KIF3B: variants seen among roughly 807,000 people sequenced by gnomAD.
KIF3B encodes kinesin-like protein KIF3B.
KIF3B carries 38 observed loss-of-function variants against 74.3 expected under a neutral mutation model. The observed-to-expected ratio is 0.51, with a 90% confidence interval of 0.39 to 0.67. The LOEUF is 0.67. Among genes scored for constraint, KIF3B ranks in the 30% least tolerant of loss-of-function variants. The probability of loss-of-function intolerance (pLI) is 0.00; values close to 1 mark genes in which losing one functional copy is unlikely to be tolerated. For missense variants in KIF3B, 649 were observed against 932.0 expected (o/e 0.70, Z 3.95); for synonymous variants, 326 against 342.5 (o/e 0.95, Z 0.53).
chr20:32,313,375 T>C (rs1292016121), intron 2 of KIF3B, among the ~76,000 whole-genome samples: 1 of 152,208 alleles, frequency 6.6e-6, no homozygotes, highest in Non-Finnish European at 1.5e-5. Flanking sequence ...AATGTCTCCA[T>C]GTTTATAAAT....
intron 2 of KIF3B, among the ~76,000 whole-genome samples, chr20:32,313,653 T>C (rs2047812718): frequency 6.6e-6 from 1 of 152,196 alleles, no homozygotes; most frequent in South Asian, 2.1e-4. Context: ...GTCAAAGCAC[T>C]TCATGCCTTC....
chr20:32,308,650 A>G (rs1057229521), intron 1 of KIF3B, among the ~76,000 whole-genome samples: 1 of 151,814 alleles, frequency 6.6e-6, no homozygotes, highest in Admixed American at 6.6e-5. Flanking sequence ...GCCACAAGGG[A>G]TCCATCCACC....
At chr20:32,322,696 A>T (rs1322535485) in intron 5 of KIF3B, among the ~76,000 whole-genome samples, 2 of 70,602 alleles carry the variant, frequency 2.8e-5, no homozygotes, top group African/African-American at 1.6e-4. Context: ...ATATTTATAT[A>T]TATTTATATA....
In KIF3B at chr20:32,277,708, CG is replaced by C; in HGVS notation, c.-122del. On this transcript the variant is annotated 5_prime_UTR_variant, in exon 1 of 9. The change abolishes the stop of an existing upstream ORF in the 5' untranslated region. Transcript: ENST00000375712. Reference sequence around the variant, plus strand: ...GGCTGAGCCAGGGGTTCGCCGCCCCCGCCGCCGCCGCCGCCGCCGCCGCCGC... The same window carrying C: ...GGCTGAGCCAGGGGTTCGCCGCCCCCCCGCCGCCGCCGCCGCCGCCGCCGC... 2.0e-5 allele frequency: 4 copies of C among 202,532 alleles called. No individual in the cohort carries two copies. Among genetic ancestry groups the C allele is most frequent in the Non-Finnish European group, 2.9e-5 (3 of 103,310 alleles). 12.5% of individuals were successfully genotyped at this position (202,532 alleles called of 1,614,324 possible). A position where few individuals can be genotyped will look rare whatever the true frequency, so the allele number is the denominator to read the frequency against.
intron 2 of KIF3B, among the ~76,000 whole-genome samples, chr20:32,314,044 T>G (rs553675844): frequency 7.2e-5 from 11 of 152,234 alleles, no homozygotes; most frequent in Admixed American, 6.5e-4. Flanking sequence ...ACTTGCATAC[T>G]GTCTTTTAGG....
intron 6 of KIF3B, 46 bp downstream of exon 6, chr20:32,326,930 A>T (rs1164023219): frequency 1.1e-6 from 1 of 942,312 alleles, no homozygotes; most frequent in South Asian, 1.5e-5. Context: ...ATGAGGGAGG[A>T]AAAGAATGTT....
chr20:32,317,790 A>T (rs2047835808), intron 5 of KIF3B, among the ~76,000 whole-genome samples: 1 of 151,948 alleles, frequency 6.6e-6, no homozygotes, highest in East Asian at 1.9e-4. Context: ...GGTGTGTGCC[A>T]CTATGCCCAG....
chr20:32,297,091 C>T (rs1031600386), intron 1 of KIF3B, among the ~76,000 whole-genome samples: 6 of 151,932 alleles, frequency 3.9e-5, no homozygotes, highest in African/African-American at 1.2e-4. Flanking sequence ...AGCAGGGAGT[C>T]GCTTTTACTT....
chr20:32,310,209 C>A lies in KIF3B; in HGVS notation c.432C>A (p.Tyr144Ter). 1 of 1,613,846 alleles carries A rather than the reference C, an allele frequency of 6.2e-7. No homozygotes were observed. Among genetic ancestry groups the A allele is most frequent in the Non-Finnish European group, 8.5e-7 (1 of 1,179,774 alleles). The change falls in exon 2 of 9, where the codon TAC becomes TAA. Residue 144 changes from tyrosine (Y) to a stop codon, truncating the protein, a stop_gained. Coordinates refer to ENST00000375712, the MANE Select transcript of KIF3B (RefSeq NM_004798.4). LOFTEE classifies it high-confidence loss of function. The surrounding 1 kb of genome is among the most constrained non-coding windows in gnomAD (Gnocchi z 6.5). ...AACAATACCTGGTCAGGGCTTCTTACTTAGAGATCTACCAGGAGGAGATCC... is the reference window on the plus strand; with the variant it reads ...AACAATACCTGGTCAGGGCTTCTTAATTAGAGATCTACCAGGAGGAGATCC... ...QNQQYLVRAS[Y>*]LEIYQEEIRD...
chr20:32,326,805 GA>G lies in KIF3B; in HGVS notation c.1789del (p.Ser597ValfsTer4). ...TATAGAAAACTTTATCCCTCTGGAA[GA>G]AAAAAGTAAAATTATGAATAGAGCC... ...LIIENFIPLEEKSKIMNRAFF... is the reference protein window; with the variant it reads ...LIIENFIPLEXKSKIMNRAFF... On this transcript the variant is annotated frameshift_variant, in exon 6 of 9. Transcript: ENST00000375712. LOFTEE classifies it high-confidence loss of function. The G allele has an allele frequency of 6.3e-7, 1 of 1,576,596 alleles. No homozygotes were observed. The highest frequency in any genetic ancestry group is 8.7e-7 in the Non-Finnish European group (1 of 1,149,544).
intron 1 of KIF3B, among the ~76,000 whole-genome samples, chr20:32,306,299 G>A (rs970793061): frequency 7.9e-5 from 12 of 151,696 alleles, no homozygotes; most frequent in African/African-American, 2.9e-4. Flanking sequence ...GGGAGGCTGA[G>A]GCAGGTGAAT....
rs751874839 is a variant in KIF3B at position 32,325,188 on chromosome 20, TTTG to T, written c.1749-1568_1749-1566del. On this transcript the variant is annotated intron_variant, in intron 5 of 8. Coordinates refer to ENST00000375712, the MANE Select transcript of KIF3B (RefSeq NM_004798.4). ...GTGATTATGTTTTTTACATTTTCTT[TTTG>T]TTGTTGTTGTTGTTTGAGACAGAGT... 9.0e-4 allele frequency among the ~76,000 whole-genome samples: 137 copies of T among 152,084 alleles called. 4 individuals are homozygous for T. In the Middle Eastern group the frequency reaches 0.02, roughly 23 times the overall value.
chr20:32,327,760 C>A (rs938561663), intron 7 of KIF3B, 99 bp downstream of exon 7: 2 of 762,436 alleles, frequency 2.6e-6, no homozygotes, highest in Admixed American at 2.6e-5. Context: ...TACCTTCTTT[C>A]CAGAGGTACT....
chr20:32,323,770 C>T (rs908812520), intron 5 of KIF3B, among the ~76,000 whole-genome samples: 2 of 151,360 alleles, frequency 1.3e-5, no homozygotes, highest in Non-Finnish European at 2.9e-5. Context: ...CTCAACTACT[C>T]GGGAGGCTGA....
intron 1 of KIF3B, among the ~76,000 whole-genome samples, chr20:32,284,354 T>G (rs778959292): frequency 2.0e-5 from 3 of 152,234 alleles, no homozygotes; most frequent in Non-Finnish European, 4.4e-5. Flanking sequence ...GGTTTACAAA[T>G]GAAGACATTG....
intron 1 of KIF3B, among the ~76,000 whole-genome samples, chr20:32,299,540 T>A (rs926403149): frequency 6.7e-6 from 1 of 149,600 alleles, no homozygotes; most frequent in Non-Finnish European, 1.5e-5. Context: ...GCTTCCTAAG[T>A]AGCTGGGATT....
At chr20:32,328,818 A>G (rs2047916486) in intron 7 of KIF3B, among the ~76,000 whole-genome samples, 1 of 152,200 alleles carries the variant, frequency 6.6e-6, no homozygotes, top group African/African-American at 2.4e-5. Context: ...AGTCATTTAA[A>G]GGGACATCAT....
At chr20:32,292,375 C>A (rs546313202) in intron 1 of KIF3B, among the ~76,000 whole-genome samples, 2 of 151,956 alleles carry the variant, frequency 1.3e-5, no homozygotes, top group African/African-American at 4.8e-5. Context: ...GTGGGAGAAT[C>A]ACATGAAGCC....
chr20:32,319,485 AT>A (rs1457361683), intron 5 of KIF3B, among the ~76,000 whole-genome samples: 1 of 148,668 alleles, frequency 6.7e-6, no homozygotes. Flanking sequence ...ATATATATAT[AT>A]ATGTATATAT....
Sources: gnomAD v4.1 joint callset for allele counts (sites outside exome capture counted in the v4.1 genomes callset) on GRCh38, gnomAD v4.1.1 for gene constraint, Gnocchi (gnomAD v3.1) non-coding constraint, MANE v1.5 for transcripts, NCBI Gene and HGNC (gene_info 2026-07-23, HGNC 2026-07-21) for gene names.